The following FAM171A1 variants were observed in gnomAD, a reference collection of about 807,000 sequenced individuals.
FAM171A1 encodes family with sequence similarity 171 member A1, also known as protein FAM171A1.
In FAM171A1, 23 loss-of-function variants were observed where a neutral mutation model predicts 74.9. The ratio of observed to expected loss-of-function variants is 0.31; its 90% CI spans 0.22 to 0.44. FAM171A1 has a LOEUF of 0.44. FAM171A1 is among the 20% of genes least tolerant of loss of function. The probability of loss-of-function intolerance (pLI) is 1.00; values close to 1 mark genes in which losing one functional copy is unlikely to be tolerated. For missense variants in FAM171A1, 1,162 were observed against 1,159.2 expected (o/e 1.00, Z -0.03); for synonymous variants, 527 against 505.7 (o/e 1.04, Z -0.57).
Position 15,280,917 on chromosome 10 carries a change from C to T in FAM171A1, c.325+2961G>A, listed in dbSNP as rs188661101. 2.6e-5 allele frequency among the ~76,000 whole-genome samples: 4 copies of T among 152,296 alleles called. No individual in the cohort carries two copies. In the East Asian group the frequency reaches 7.7e-4, roughly 29 times the overall value. On this transcript the variant is annotated intron_variant, in intron 2 of 7. Transcript: ENST00000378116. ...TTTCCTGTTAAGTTCTAGTTAAGAGCATAACATGGTTTGGATCTGCGTCCC... is the reference window on the plus strand; with the variant it reads ...TTTCCTGTTAAGTTCTAGTTAAGAGTATAACATGGTTTGGATCTGCGTCCC...
In FAM171A1 at chr10:15,213,287, C is replaced by A. The variant is rs571519390; in HGVS notation, c.2301G>T (p.Pro767=). Residue 767 remains proline, a synonymous_variant, in exon 8 of 8, where the codon CCG becomes CCT. Transcript: ENST00000378116. This position sits in a 1 kb window ranked among gnomAD's most constrained non-coding sequence, Gnocchi z 6.8. The part of the protein sequence containing the change: ...GDALSLQQNY[P]PVQEHQQKEP... ...CTTTCTGCTGGTGCTCTTGGACGGGCGGGTAGTTCTGCTGCAGAGACAAAG... is the reference window on the plus strand; with the variant it reads ...CTTTCTGCTGGTGCTCTTGGACGGGAGGGTAGTTCTGCTGCAGAGACAAAG... 1 of 1,614,044 alleles carries A rather than the reference C, an allele frequency of 6.2e-7. No homozygotes were observed. Among genetic ancestry groups the A allele is most frequent in the South Asian group, 1.1e-5 (1 of 91,080 alleles).
chr10:15,230,226 T>C (rs554982673), intron 5 of FAM171A1, among the ~76,000 whole-genome samples: 60 of 152,360 alleles, frequency 3.9e-4, no homozygotes, highest in South Asian at 2.1e-3. Flanking sequence ...CACTGTGGGA[T>C]AGTCCTCTTT....
intron 1 of FAM171A1, among the ~76,000 whole-genome samples, chr10:15,323,665 TC>T (rs1181447760): frequency 6.6e-6 from 1 of 152,144 alleles, no homozygotes; most frequent in Non-Finnish European, 1.5e-5. Context: ...TTTAATGGCA[TC>T]AGGCTAAAAC....
rs1405960196 is a variant in FAM171A1, at chr10:15,214,137, T to TC, written c.1450dup (p.Asp484GlyfsTer5). 6.2e-7 allele frequency: 1 copy of TC among 1,614,158 alleles called. No homozygotes were observed. The highest frequency in any genetic ancestry group is 8.5e-7 in the Non-Finnish European group (1 of 1,180,018). ...CACGGTGTTGTAACTACCCCTGTAG[T>TC]CATCATTGCCCGAGGACTCGTAGCC... On this transcript the variant is annotated frameshift_variant, in exon 8 of 8. Transcript: ENST00000378116. LOFTEE classifies it high-confidence loss of function.
In FAM171A1 at chr10:15,212,027, C is replaced by CA. The variant is rs1454259018; in HGVS notation, c.*887dup. 5 of 152,718 alleles carry CA rather than the reference C, an allele frequency of 3.3e-5. No homozygotes were observed. The highest frequency in any genetic ancestry group is 3.3e-4 in the Admixed American group (5 of 15,288). 9.5% of individuals were successfully genotyped at this position (152,718 alleles called of 1,614,324 possible). The stretch of plus-strand genomic sequence containing the variant: ...TGTGTTGAAACGAGGATGCTGACCC[C>CA]AAATGGCACTTGGCAGCATGCAGTT... On this transcript the variant is annotated 3_prime_UTR_variant, in exon 8 of 8. Coordinates refer to ENST00000378116, the MANE Select transcript of FAM171A1 (RefSeq NM_001010924.2).
At chr10:15,371,622 G>A (rs926099369), upstream of FAM171A1, among the ~76,000 whole-genome samples, 1 of 152,186 alleles carries the variant, frequency 6.6e-6, no homozygotes. Flanking sequence ...CAGTGTTAAA[G>A]ATCCGCAAAA....
At position 15,366,269 on chromosome 10, in the gene FAM171A1, G is replaced by A. The variant is rs576347223; in HGVS notation, c.97+4687C>T. 5.9e-5 allele frequency among the ~76,000 whole-genome samples: 9 copies of A among 152,064 alleles called. No individual in the cohort carries two copies. In the East Asian group the frequency reaches 1.6e-3, roughly 26 times the overall value. ...CGAGTAGCTGGGATTACAGGCGCCC[G>A]CCACCATGCTTGGCTACGTTTTGTA... On this transcript the variant is annotated intron_variant, in intron 1 of 7. Transcript: ENST00000378116.
intron 7 of FAM171A1, among the ~76,000 whole-genome samples, chr10:15,214,920 C>A (rs932482875): frequency 2.4e-4 from 37 of 152,018 alleles, no homozygotes; most frequent in Non-Finnish European, 1.5e-4. Flanking sequence ...GCCACCATGC[C>A]CAGCTAATTT....
intron 1 of FAM171A1, among the ~76,000 whole-genome samples, chr10:15,307,061 C>G (rs1349562310): frequency 1.3e-5 from 2 of 152,176 alleles, no homozygotes; most frequent in Non-Finnish European, 2.9e-5. Context: ...TGGAAAGGCT[C>G]TCTGTTGGGT....
At chr10:15,328,602 G>C (rs151244519) in intron 1 of FAM171A1, among the ~76,000 whole-genome samples, 1 of 152,186 alleles carries the variant, frequency 6.6e-6, no homozygotes, top group Non-Finnish European at 1.5e-5. Flanking sequence ...GCTCAAGCTC[G>C]GGTTTTCCTG....
intron 1 of FAM171A1, among the ~76,000 whole-genome samples, chr10:15,302,516 A>C (rs1207953529): frequency 6.6e-6 from 1 of 151,914 alleles, no homozygotes; most frequent in South Asian, 2.1e-4. Context: ...AAAAAAAAAA[A>C]AAAAAAACCA....
chr10:15,329,113 T>C (rs1835595556), intron 1 of FAM171A1, among the ~76,000 whole-genome samples: 1 of 152,160 alleles, frequency 6.6e-6, no homozygotes. Context: ...GGGAAGAAGG[T>C]TGAGAATCAA....
chr10:15,363,336 A>G (rs1836019105), intron 1 of FAM171A1, among the ~76,000 whole-genome samples: 1 of 152,210 alleles, frequency 6.6e-6, no homozygotes, highest in Non-Finnish European at 1.5e-5. Context: ...TTTTGAGTTG[A>G]AAGGACAAAT....
At chr10:15,341,778 G>C (rs767895656) in intron 1 of FAM171A1, among the ~76,000 whole-genome samples, 3 of 152,110 alleles carry the variant, frequency 2.0e-5, no homozygotes, top group Non-Finnish European at 4.4e-5. Flanking sequence ...GACACATCAC[G>C]ACAGAAAAGG....
rs529026980 is a variant in FAM171A1 at position 15,273,704 on chromosome 10, T to C, written c.418+2151A>G. 2.0e-3 allele frequency among the ~76,000 whole-genome samples: 309 copies of C among 152,300 alleles called. 1 individual carries two copies. Among genetic ancestry groups the C allele is most frequent in the African/African-American group, 6.9e-3 (288 of 41,572 alleles). On this transcript the variant is annotated intron_variant, in intron 3 of 7. Transcript: ENST00000378116. ...ATCCACCATGATCAAGTTGGCTTCA[T>C]CTCTGGGATGCAAGACTGGTTCAAC...
intron 1 of FAM171A1, among the ~76,000 whole-genome samples, chr10:15,354,541 C>T (rs1158152243): frequency 4.6e-5 from 7 of 152,080 alleles, no homozygotes; most frequent in African/African-American, 1.7e-4. Context: ...ATGAACTTGG[C>T]AATGTCTCCC....
intron 1 of FAM171A1, among the ~76,000 whole-genome samples, chr10:15,357,553 G>A (rs956624351): frequency 1.3e-5 from 2 of 152,188 alleles, no homozygotes; most frequent in African/African-American, 4.8e-5. Flanking sequence ...AGCTGCACAT[G>A]TGTATGCCTA....
intron 1 of FAM171A1, among the ~76,000 whole-genome samples, chr10:15,287,818 G>A (rs1467318245): frequency 6.6e-6 from 1 of 152,144 alleles, no homozygotes; most frequent in Non-Finnish European, 1.5e-5. Context: ...TTGGTTACAT[G>A]AGTAAGTTCT....
chr10:15,368,144 T>C (rs10159678), intron 1 of FAM171A1, among the ~76,000 whole-genome samples: 1,641 of 152,336 alleles, frequency 0.011, 32 homozygotes, highest in African/African-American at 0.037. Flanking sequence ...AGTCTAGAGC[T>C]AGTTCAAATT....
Sources: gnomAD v4.1 joint callset for allele counts (sites outside exome capture counted in the v4.1 genomes callset) on GRCh38, gnomAD v4.1.1 for gene constraint, Gnocchi (gnomAD v3.1) non-coding constraint, MANE v1.5 for transcripts, NCBI Gene and HGNC (gene_info 2026-07-23, HGNC 2026-07-21) for gene names.